BOP1: variants seen among roughly 807,000 people sequenced by gnomAD.
BOP1 encodes ribosome biogenesis protein BOP1.
In BOP1, 54 loss-of-function variants were observed where a neutral mutation model predicts 82.9. That is an observed-to-expected ratio of 0.65 (90% CI 0.52 to 0.82). BOP1 has a LOEUF of 0.82. Ranked by LOEUF, BOP1 falls within the 40% of genes least tolerant of loss-of-function variation. The pLI is 0.00. For missense variants in BOP1, 1,170 were observed against 1,072.0 expected (o/e 1.09, Z -1.28); for synonymous variants, 566 against 451.1 (o/e 1.25, Z -3.23).
At chr8:144,265,769 C>T (rs1845347618) in intron 3 of BOP1, 1 of 154,118 alleles carries the variant, frequency 6.5e-6, no homozygotes, top group South Asian at 2.0e-4. Context: ...TGCTGAGGGT[C>T]CTTCCCTCTC....
rs1845667804 is a variant in BOP1 at position 144,281,076 on chromosome 8, C to CCTTCTCTCACTTTCATACCAGGTCTTA, written c.310-4773_310-4772insTAAGACCTGGTATGAAAGTGAGAGAAG. Among the ~76,000 whole-genome samples the CCTTCTCTCACTTTCATACCAGGTCTTA allele has an allele frequency of 2.6e-3, 120 of 46,122 alleles. 2 individuals carry two copies. The highest frequency in any genetic ancestry group is 9.5e-3 in the African/African-American group (116 of 12,272). The allele number at this position is 46,122 out of a possible 152,430, so 30.3% of individuals were successfully genotyped here. A position where few individuals can be genotyped will look rare whatever the true frequency, so the allele number is the denominator to read the frequency against. ...TTCTCTCACTTTCATACCAGGTCTT[C>CCTTCTCTCACTTTCATACCAGGTCTTA]GGCCTTCTCTCACTTTAATACCAGG... On this transcript the variant is annotated intron_variant, in intron 2 of 15. Transcript: ENST00000569669.
intron 3 of BOP1, among the ~76,000 whole-genome samples, chr8:144,272,356 G>C (rs113440204): frequency 6.6e-6 from 1 of 152,094 alleles, no homozygotes; most frequent in East Asian, 1.9e-4. Flanking sequence ...GCACACACAC[G>C]TACCTGGGAC....
Position 144,291,158 on chromosome 8 carries a change from T to C in BOP1, c.99+114A>G. The C allele has an allele frequency of 1.1e-6, 1 of 878,940 alleles. No individual in the cohort carries two copies. The highest frequency in any genetic ancestry group is 2.4e-5 in the South Asian group (1 of 41,954). The allele number at this position is 878,940 out of a possible 1,614,324, so 54.4% of individuals were successfully genotyped here. On this transcript the variant is annotated intron_variant, in intron 1 of 15. Coordinates refer to ENST00000569669, the MANE Select transcript of BOP1 (RefSeq NM_015201.5). The surrounding 1 kb of genome is among the most constrained non-coding windows in gnomAD (Gnocchi z 4.1). ...AGCTGCACCCACGCCCAAGACCGAT[T>C]CACTGGGCGCGGGCGCCCAGGTGAC...
At chr8:144,265,809 A>C (rs1482929080) in intron 3 of BOP1, 2 of 153,404 alleles carry the variant, frequency 1.3e-5, no homozygotes, top group Admixed American at 6.5e-5. Flanking sequence ...GCCATCCCCA[A>C]ATTGGATAAT....
intron 2 of BOP1, among the ~76,000 whole-genome samples, chr8:144,287,493 G>A (rs1814916499): frequency 6.6e-6 from 1 of 151,704 alleles, no homozygotes; most frequent in African/African-American, 2.4e-5. Context: ...TTATTTTCCA[G>A]GATGTTTTAT....
At chr8:144,268,326 G>C (rs1845429264) in intron 3 of BOP1, 1 of 825,778 alleles carries the variant, frequency 1.2e-6, no homozygotes, top group African/African-American at 1.7e-5. Context: ...GCCGGCAGCG[G>C]GACTCTGCGC....
chr8:144,288,921 G>A (rs1442727167), intron 2 of BOP1, among the ~76,000 whole-genome samples, 174 bp downstream of exon 2: 1 of 152,256 alleles, frequency 6.6e-6, no homozygotes, highest in Non-Finnish European at 1.5e-5. Context: ...GCACGCAACT[G>A]GGGATGGAAA....
At position 144,278,496 on chromosome 8, in the gene BOP1, C is replaced by T. The variant is rs1444611795; in HGVS notation, c.310-2192G>A. 5.3e-5 allele frequency among the ~76,000 whole-genome samples: 8 copies of T among 152,248 alleles called. No homozygotes were observed. The South Asian group carries it at 8.3e-4, about 16-fold the overall frequency. On this transcript the variant is annotated intron_variant, in intron 2 of 15. Transcript: ENST00000569669. ...ACTGCCACCAACCAGGCATGAGACA[C>T]GGGCTCTGCCCTCACCTCCTGGGAG...
At chr8:144,285,882 C>G (rs534683189) in intron 2 of BOP1, among the ~76,000 whole-genome samples, 1 of 152,344 alleles carries the variant, frequency 6.6e-6, no homozygotes, top group Admixed American at 6.5e-5. Context: ...CCTGGACTGC[C>G]TTCGGGATGA....
At chr8:144,266,564 G>A (rs1781912990) in intron 3 of BOP1, 1 of 1,006,476 alleles carries the variant, frequency 9.9e-7, no homozygotes, top group Non-Finnish European at 1.2e-6. Context: ...GCCGCAGGAG[G>A]CGGCATGAGC....
At chr8:144,266,787 C>T (rs1845379221) in intron 3 of BOP1, 2 of 1,106,682 alleles carry the variant, frequency 1.8e-6, no homozygotes, top group East Asian at 5.1e-5. Flanking sequence ...GGGCGGGGGG[C>T]CGGCGGGCCG....
chr8:144,262,771 C>G, intron 13 of BOP1, 82 bp downstream of exon 13: 1 of 1,418,954 alleles, frequency 7.0e-7, no homozygotes, highest in Non-Finnish European at 9.5e-7. Context: ...GTGCACTGCC[C>G]CTACCCCCAC....
chr8:144,288,630 A>G lies in BOP1; in HGVS notation c.309+465T>C, dbSNP rs58402247. On this transcript the variant is annotated intron_variant, in intron 2 of 15. Transcript: ENST00000569669. ...AGAGTAGGGTGCATCCTCCCCCACC[A>G]TCGCTGCAACAGGTACAATGTTAAA... is the stretch of plus-strand genomic sequence containing the variant. Among the ~76,000 whole-genome samples, 1,336 of 152,280 alleles carry G rather than the reference A, an allele frequency of 8.8e-3. 16 individuals carry two copies. The highest frequency in any genetic ancestry group is 0.03 in the African/African-American group (1,238 of 41,550).
intron 3 of BOP1, among the ~76,000 whole-genome samples, chr8:144,273,143 G>A (rs1398054129): frequency 2.0e-5 from 3 of 152,194 alleles, no homozygotes; most frequent in African/African-American, 7.2e-5. Context: ...ACGCAAGCCT[G>A]AGTGCGCGGG....
chr8:144,276,419 A>G, intron 2 of BOP1, 115 bp from the exon 3 acceptor site: 1 of 1,202,750 alleles, frequency 8.3e-7, no homozygotes, highest in Middle Eastern at 2.4e-4. Flanking sequence ...AGCCTGGCAC[A>G]GGCCTCAGCA....
rs782060170 is a variant in BOP1 at position 144,289,224 on chromosome 8, G to A, written c.180C>T (p.Phe60=). The change falls in exon 2 of 16, where the codon TTC becomes TTT. Residue 60 remains phenylalanine (F), a synonymous_variant. Transcript: ENST00000569669. The part of the protein sequence containing the change: ...SGVSDSEESV[F]SGLEDSGSDS... The stretch of plus-strand genomic sequence containing the variant: ...CACTGCCGGAATCTTCCAGGCCTGA[G>A]AACACACTTTCCTCGCTGTCGGAGA... The A allele has an allele frequency of 2.2e-5, 36 of 1,613,960 alleles. No individual in the cohort carries two copies. Among genetic ancestry groups the A allele is most frequent in the Middle Eastern group, 3.3e-4 (2 of 6,084 alleles).
At chr8:144,276,704 C>T (rs944042926) in intron 2 of BOP1, among the ~76,000 whole-genome samples, 21 of 152,220 alleles carry the variant, frequency 1.4e-4, no homozygotes, top group South Asian at 2.1e-4. Context: ...CCCCACATGG[C>T]GCTCCTGCCG....
chr8:144,276,624 G>A (rs2130240139), intron 2 of BOP1, among the ~76,000 whole-genome samples: 1 of 152,268 alleles, frequency 6.6e-6, no homozygotes, highest in South Asian at 2.1e-4. Flanking sequence ...GCCGCCAGCT[G>A]AGGACCAAGA....
chr8:144,287,903 C>T (rs557385854), intron 2 of BOP1, among the ~76,000 whole-genome samples: 2 of 152,250 alleles, frequency 1.3e-5, no homozygotes, highest in African/African-American at 4.8e-5. Context: ...CTGCCAAGGC[C>T]GTAACTTCCA....
Sources: allele counts gnomAD v4.1 joint callset (sites outside exome capture counted in the v4.1 genomes callset), GRCh38; gene constraint gnomAD v4.1.1; non-coding constraint Gnocchi (gnomAD v3.1); transcripts MANE v1.5; gene names NCBI Gene and HGNC (gene_info 2026-07-23, HGNC 2026-07-21).